The following CRTAC1 variants were observed in gnomAD, a reference collection of about 807,000 sequenced individuals.
The protein encoded by CRTAC1 is acidic secreted protein in cartilage.
In CRTAC1, 37 loss-of-function variants were observed where a neutral mutation model predicts 67.8. The observed-to-expected ratio is 0.55, with a 90% CI of 0.42 to 0.72. CRTAC1 has a LOEUF of 0.72. CRTAC1 is among the 30% of genes least tolerant of loss of function. The pLI is 0.00. For synonymous variants in CRTAC1, 348 were observed against 371.0 expected, an observed-to-expected ratio of 0.94 and a Z score of 0.71; for missense variants, 780 against 931.6, an observed-to-expected ratio of 0.84 and a Z score of 2.12.
At chr10:97,951,777 G>A (rs1424059529) in intron 2 of CRTAC1, among the ~76,000 whole-genome samples, 2 of 152,156 alleles carry the variant, frequency 1.3e-5, no homozygotes, top group Non-Finnish European at 2.9e-5. Context: ...GCCCCTGCTA[G>A]AGCTGGTACC....
intron 11 of CRTAC1, among the ~76,000 whole-genome samples, chr10:97,890,301 G>T (rs1332146207): frequency 6.7e-6 from 1 of 148,616 alleles, no homozygotes; most frequent in Non-Finnish European, 1.5e-5. Flanking sequence ...AGAAAGGGGG[G>T]TCTCGCCATG....
At chr10:97,939,829 C>T (rs1409694985) in intron 2 of CRTAC1, among the ~76,000 whole-genome samples, 2 of 152,142 alleles carry the variant, frequency 1.3e-5, no homozygotes, top group African/African-American at 4.8e-5. Context: ...CCCCGACTGC[C>T]CCTGCTGGAT....
At chr10:97,870,598 T>C (rs2050081891) in intron 14 of CRTAC1, 2 of 152,316 alleles carry the variant, frequency 1.3e-5, no homozygotes, top group South Asian at 4.1e-4. Context: ...ACTGGTGATA[T>C]ATTTCAATAA....
At chr10:97,974,117 G>C (rs965113491) in intron 2 of CRTAC1, among the ~76,000 whole-genome samples, 17 of 152,250 alleles carry the variant, frequency 1.1e-4, no homozygotes, top group African/African-American at 4.1e-4. Context: ...GGCGCTGCAT[G>C]CTGTGTTGTG....
At chr10:97,986,880 C>G (rs1265438968) in intron 2 of CRTAC1, among the ~76,000 whole-genome samples, 1 of 152,140 alleles carries the variant, frequency 6.6e-6, no homozygotes, top group Non-Finnish European at 1.5e-5. Context: ...TCACTTTTCT[C>G]TTTTATAAAT....
At chr10:97,951,202 T>C (rs1476469146) in intron 2 of CRTAC1, among the ~76,000 whole-genome samples, 1 of 152,224 alleles carries the variant, frequency 6.6e-6, no homozygotes, top group African/African-American at 2.4e-5. Flanking sequence ...CTACTGTGGA[T>C]ATCCCATCCC....
intron 2 of CRTAC1, among the ~76,000 whole-genome samples, chr10:97,988,791 T>C (rs2052026989): frequency 6.6e-6 from 1 of 152,204 alleles, no homozygotes; most frequent in African/African-American, 2.4e-5. Flanking sequence ...ATGTCAGACA[T>C]AGGACCAAGC....
chr10:97,973,905 T>G (rs751150545), intron 2 of CRTAC1, among the ~76,000 whole-genome samples: 3 of 150,844 alleles, frequency 2.0e-5, no homozygotes, highest in African/African-American at 2.5e-5. Flanking sequence ...AATTCTGTGA[T>G]TATAATAGTG....
In CRTAC1 at chr10:97,901,590, A is replaced by C. The variant is rs746512702; in HGVS notation, c.1046T>G (p.Ile349Ser). 1 of 1,614,214 alleles carries C rather than the reference A, an allele frequency of 6.2e-7. No individual in the cohort carries two copies. Among genetic ancestry groups the C allele is most frequent in the Non-Finnish European group, 8.5e-7 (1 of 1,180,044 alleles). ...CTGGTCATTGTCAAAGTCGGCGGTG[A>C]TGACCGTGCGGACAGGGGAGGGCAT... ...FSMPSPVRTV[I>S]TADFDNDQEL... is the part of the protein sequence containing the mutation. Residue 349 changes from isoleucine to serine, a missense_variant, in exon 8 of 15, where the codon ATC (isoleucine) becomes AGC (serine). Coordinates refer to ENST00000370597, the MANE Select transcript of CRTAC1 (RefSeq NM_018058.7).
intron 1 of CRTAC1, among the ~76,000 whole-genome samples, chr10:98,024,926 T>C (rs1843197386): frequency 1.3e-5 from 2 of 151,922 alleles, no homozygotes; most frequent in Admixed American, 1.3e-4. Flanking sequence ...TTCTTAATAA[T>C]AGAAATATTA....
chr10:98,009,137 C>T (rs1842857490), intron 2 of CRTAC1, among the ~76,000 whole-genome samples: 1 of 152,228 alleles, frequency 6.6e-6, no homozygotes. Context: ...TTCTCCTTTT[C>T]TGTCATATTC....
intron 14 of CRTAC1, among the ~76,000 whole-genome samples, chr10:97,878,956 C>T (rs2050177773): frequency 6.6e-6 from 1 of 152,176 alleles, no homozygotes; most frequent in Admixed American, 6.5e-5. Context: ...CGCAACCAAA[C>T]CACTGCTGGT....
rs2050514718 is a variant in CRTAC1, at chr10:97,900,328, C to G, written c.1133+1175G>C. On this transcript the variant is annotated intron_variant, in intron 8 of 14. Transcript: ENST00000370597. ...CAGAAAAATCTGTGGAAGAAGTGCC[C>G]TGTGATCTGGCCTATTTGGAATACT... Among the ~76,000 whole-genome samples, 3 of 152,210 alleles carry G rather than the reference C, an allele frequency of 2.0e-5. No homozygotes were observed. In the South Asian group the frequency reaches 6.2e-4, roughly 32 times the overall value.
chr10:97,962,383 G>T (rs1047381267), intron 2 of CRTAC1, among the ~76,000 whole-genome samples: 2 of 152,194 alleles, frequency 1.3e-5, no homozygotes, highest in African/African-American at 2.4e-5. Context: ...AATTAATGCA[G>T]ATCACCGTTT....
chr10:97,989,786 T>G (rs534130401), intron 2 of CRTAC1, among the ~76,000 whole-genome samples: 65 of 152,344 alleles, frequency 4.3e-4, no homozygotes, highest in African/African-American at 1.5e-3. Context: ...AGGTAACTCG[T>G]TCTAAGGTCC....
chr10:97,988,557 T>A (rs575055993), intron 2 of CRTAC1, among the ~76,000 whole-genome samples: 44 of 152,008 alleles, frequency 2.9e-4, no homozygotes, highest in Non-Finnish European at 5.4e-4. Flanking sequence ...CCGTCTCTAC[T>A]AAAAATATAA....
intron 2 of CRTAC1, among the ~76,000 whole-genome samples, chr10:97,972,957 G>C (rs1464680317): frequency 6.6e-6 from 1 of 151,996 alleles, no homozygotes; most frequent in Non-Finnish European, 1.5e-5. Flanking sequence ...CCTCTGATAA[G>C]AAGCACTGTG....
intron 2 of CRTAC1, among the ~76,000 whole-genome samples, chr10:97,967,557 A>G (rs1590246958): frequency 6.6e-6 from 1 of 152,338 alleles, no homozygotes; most frequent in African/African-American, 2.4e-5. Flanking sequence ...ATGTGTGTAT[A>G]CTAACCCATG....
chr10:97,947,816 G>C (rs2051287949), intron 2 of CRTAC1, among the ~76,000 whole-genome samples: 1 of 152,186 alleles, frequency 6.6e-6, no homozygotes, highest in Non-Finnish European at 1.5e-5. Context: ...ACTTTGGGAA[G>C]CCAAGTTGGG....
Sources: gnomAD v4.1 joint callset for allele counts (sites outside exome capture counted in the v4.1 genomes callset) on GRCh38, gnomAD v4.1.1 for gene constraint, MANE v1.5 for transcripts, NCBI Gene and HGNC (gene_info 2026-07-23, HGNC 2026-07-21) for gene names.